GPC5: variants seen among roughly 807,000 people sequenced by gnomAD.
GPC5 encodes the protein glypican-5.
A neutral mutation model predicts 53.9 loss-of-function variants in GPC5; 47 were observed. That is an observed-to-expected ratio of 0.87 (90% CI 0.69 to 1.11). The LOEUF is 1.11. Among genes scored for constraint, GPC5 ranks in the 50% most tolerant of loss-of-function variants. The probability of loss-of-function intolerance (pLI) is 0.00; values close to 1 mark genes in which losing one functional copy is unlikely to be tolerated. For missense variants in GPC5, 748 were observed against 713.1 expected, an observed-to-expected ratio of 1.05 and a Z score of -0.56; for synonymous variants, 286 against 263.3, an observed-to-expected ratio of 1.09 and a Z score of -0.84.
chr13:91,497,442 C>T (rs975357318), intron 2 of GPC5, among the ~76,000 whole-genome samples: 2 of 151,992 alleles, frequency 1.3e-5, no homozygotes, highest in Non-Finnish European at 2.9e-5. Flanking sequence ...GTTGTAATTC[C>T]CACAGAAGAG....
At chr13:91,787,306 C>T (rs1327836547) in intron 5 of GPC5, among the ~76,000 whole-genome samples, 2 of 152,064 alleles carry the variant, frequency 1.3e-5, no homozygotes, top group South Asian at 2.1e-4. Flanking sequence ...AGTTTTTAAT[C>T]TCTAGTTGCA....
At chr13:92,241,676 T>C (rs1163436134) in intron 7 of GPC5, 1 of 152,168 alleles carries the variant, frequency 6.6e-6, no homozygotes, top group African/African-American at 2.4e-5. Context: ...CAAGTGAGTT[T>C]TGATATTGTC....
chr13:91,411,472 A>G (rs541447536), intron 1 of GPC5, among the ~76,000 whole-genome samples: 7 of 152,294 alleles, frequency 4.6e-5, no homozygotes, highest in African/African-American at 1.4e-4. Flanking sequence ...GGGCCCTATC[A>G]GTGGGCATTC....
chr13:91,780,031 C>G (rs2037774104), intron 5 of GPC5, among the ~76,000 whole-genome samples: 1 of 152,110 alleles, frequency 6.6e-6, no homozygotes, highest in South Asian at 2.1e-4. Context: ...TTCTATCTGT[C>G]TGGCAGCACA....
rs545483371 is a variant in GPC5 at position 92,018,113 on chromosome 13, T to C, written c.1401+110056T>C. Among the ~76,000 whole-genome samples the C allele has an allele frequency of 4.0e-4, 61 of 152,226 alleles. 1 individual carries two copies. The highest frequency in any genetic ancestry group is 1.4e-3 in the African/African-American group (57 of 41,546). ...TGGTATCTGGAGCAAATTCTCAGAA[T>C]TGCCAAATTCATTGCTAATGAAATG... On this transcript the variant is annotated intron_variant, in intron 6 of 7. Transcript: ENST00000377067.
At chr13:92,215,198 C>T (rs1299011503) in intron 7 of GPC5, among the ~76,000 whole-genome samples, 1 of 152,082 alleles carries the variant, frequency 6.6e-6, no homozygotes, top group African/African-American at 2.4e-5. Flanking sequence ...CAGAGTGAAA[C>T]AAAAACAGAA....
In GPC5 at chr13:92,676,673, C is replaced by T. The variant is rs147510802; in HGVS notation, c.1562-189609C>T. Among the ~76,000 whole-genome samples the T allele has an allele frequency of 7.8e-3, 1,192 of 152,218 alleles. 12 individuals carry two copies. The highest frequency in any genetic ancestry group is 0.034 in the Middle Eastern group (10 of 294). On this transcript the variant is annotated intron_variant, in intron 7 of 7. Coordinates refer to ENST00000377067, the MANE Select transcript of GPC5 (RefSeq NM_004466.6). ...AGACAGGTAGCATTCCACAGACCGACATTGAGCCTACCCCACGACTATTCA... is the reference window on the plus strand; with the variant it reads ...AGACAGGTAGCATTCCACAGACCGATATTGAGCCTACCCCACGACTATTCA...
intron 1 of GPC5, among the ~76,000 whole-genome samples, chr13:91,432,203 CTGTGTGTG>C (rs757953581): frequency 1.1e-3 from 156 of 136,402 alleles, no homozygotes; most frequent in African/African-American, 3.8e-3. Context: ...GCTGCTGCTG[CTGTGTGTG>C]TGTGTGTGTG....
rs539733744 is a variant in GPC5, at chr13:92,851,948, C to T, written c.1562-14334C>T. Among the ~76,000 whole-genome samples the T allele has an allele frequency of 7.9e-5, 12 of 151,584 alleles. 1 individual carries two copies. Among genetic ancestry groups the T allele is most frequent in the African/African-American group, 2.9e-4 (12 of 41,264 alleles). On this transcript the variant is annotated intron_variant, in intron 7 of 7. Coordinates refer to ENST00000377067, the MANE Select transcript of GPC5 (RefSeq NM_004466.6). ...CAAGATAGCCACTCTGTAAGAGAGC[C>T]CTGACCAGGAGGAAAGTTAGGCTCT...
chr13:91,775,255 A>G lies in GPC5; in HGVS notation c.1280+18835A>G, dbSNP rs147286935. 7.7e-4 allele frequency among the ~76,000 whole-genome samples: 117 copies of G among 152,310 alleles called. 1 individual carries two copies. The highest frequency in any genetic ancestry group is 7.3e-3 in the Admixed American group (111 of 15,302). On this transcript the variant is annotated intron_variant, in intron 5 of 7. Transcript: ENST00000377067. The stretch of plus-strand genomic sequence containing the variant: ...AAATCCAGACTCTTACCTGTGTTTT[A>G]GTCTATATAATATTTGTGATATTTG...
intron 7 of GPC5, among the ~76,000 whole-genome samples, chr13:92,725,666 T>C (rs1365459666): frequency 6.6e-6 from 1 of 151,524 alleles, no homozygotes; most frequent in African/African-American, 2.4e-5. Flanking sequence ...AAAATAAAAA[T>C]CACACGTTCA....
At chr13:92,483,901 G>T (rs1418668542) in intron 7 of GPC5, among the ~76,000 whole-genome samples, 1 of 152,054 alleles carries the variant, frequency 6.6e-6, no homozygotes, top group Admixed American at 6.5e-5. Flanking sequence ...GTCAAGGTGG[G>T]AAAAGGCCTC....
chr13:91,994,766 T>C (rs896423307), intron 6 of GPC5: 17 of 152,156 alleles, frequency 1.1e-4, no homozygotes, highest in African/African-American at 3.6e-4. Context: ...CAATCTGTTA[T>C]AGAATTTTGT....
intron 7 of GPC5, among the ~76,000 whole-genome samples, chr13:92,856,793 CAAG>C (rs1196488293): frequency 6.6e-6 from 1 of 151,964 alleles, no homozygotes; most frequent in African/African-American, 2.4e-5. Context: ...AAGATCTCTA[CAAG>C]AAGAACTACA....
intron 2 of GPC5, among the ~76,000 whole-genome samples, chr13:91,542,491 T>C (rs1197150380): frequency 6.6e-6 from 1 of 152,204 alleles, no homozygotes; most frequent in African/African-American, 2.4e-5. Flanking sequence ...GTTACATTAA[T>C]GTATTCATGA....
intron 7 of GPC5, among the ~76,000 whole-genome samples, chr13:92,604,671 T>C (rs1884191806): frequency 1.3e-5 from 2 of 152,158 alleles, no homozygotes; most frequent in South Asian, 4.1e-4. Flanking sequence ...GTCAGGAAAA[T>C]CACTTTTTAA....
At chr13:92,465,766 A>G (rs1356482469) in intron 7 of GPC5, among the ~76,000 whole-genome samples, 2 of 152,072 alleles carry the variant, frequency 1.3e-5, no homozygotes, top group Non-Finnish European at 2.9e-5. Context: ...ACAGCAGTGC[A>G]GGTTTTTATA....
At chr13:91,592,914 G>C (rs72641457) in intron 2 of GPC5, among the ~76,000 whole-genome samples, 3 of 152,200 alleles carry the variant, frequency 2.0e-5, no homozygotes, top group Admixed American at 6.5e-5. Flanking sequence ...CTGGCATGGC[G>C]GTCAGCTGAG....
chr13:92,250,896 G>A (rs77638694), intron 7 of GPC5, among the ~76,000 whole-genome samples: 13 of 151,974 alleles, frequency 8.6e-5, no homozygotes, highest in East Asian at 1.9e-4. Flanking sequence ...TGTTTATACC[G>A]CATGTATGAA....
Sources: allele counts gnomAD v4.1 joint callset (sites outside exome capture counted in the v4.1 genomes callset), GRCh38; gene constraint gnomAD v4.1.1; transcripts MANE v1.5; gene names NCBI Gene and HGNC (gene_info 2026-07-23, HGNC 2026-07-21).